The following GSTM1 variants were observed in gnomAD, a reference collection of about 807,000 sequenced individuals.
GSTM1 encodes glutathione S-transferase mu 1, also known as GST HB subunit 4.
Under a neutral mutation model 17.3 loss-of-function variants are expected in GSTM1, and 6 were observed. The ratio of observed to expected loss-of-function variants is 0.35; its 90% CI spans 0.19 to 0.68. The LOEUF is 0.68. Among genes scored for constraint, GSTM1 ranks in the 30% least tolerant of loss-of-function variants. The probability of loss-of-function intolerance (pLI) is 0.65; values close to 1 mark genes in which losing one functional copy is unlikely to be tolerated. For synonymous variants in GSTM1, 20 were observed against 53.6 expected (o/e 0.37, Z 2.74); for missense variants, 62 against 155.9 (o/e 0.40, Z 3.21).
Position 109,691,199 on chromosome 1 carries a change from G to A in GSTM1, c.567+635G>A, listed in dbSNP as rs2101284105. Among the ~76,000 whole-genome samples the A allele has an allele frequency of 2.7e-5, 2 of 73,572 alleles. 1 individual carries two copies. Among genetic ancestry groups the A allele is most frequent in the South Asian group, 8.6e-4 (2 of 2,336 alleles). 48.3% of individuals were successfully genotyped at this position (73,572 alleles called of 152,430 possible). On this transcript the variant is annotated intron_variant, in intron 7 of 7. Coordinates refer to ENST00000309851, the MANE Select transcript of GSTM1 (RefSeq NM_000561.4). Reference sequence around the variant, plus strand: ...GTATATGTTGAAATGCCCGGTGCTGGGGCACTTCCTTACTCCACCTCTATT... The same window carrying A: ...GTATATGTTGAAATGCCCGGTGCTGAGGCACTTCCTTACTCCACCTCTATT...
In GSTM1 at chr1:109,688,427, TG is replaced by T. The variant is rs1202864278; in HGVS notation, c.112+185del. The T allele has an allele frequency of 7.4e-6, 3 of 403,310 alleles. 1 individual carries two copies. Among genetic ancestry groups the T allele is most frequent in the African/African-American group, 7.1e-5 (3 of 42,222 alleles). The allele number at this position is 403,310 out of a possible 1,614,324, so 25.0% of individuals were successfully genotyped here. A position where few individuals can be genotyped will look rare whatever the true frequency, so the allele number is the denominator to read the frequency against. On this transcript the variant is annotated intron_variant, in intron 2 of 7. Coordinates refer to ENST00000309851, the MANE Select transcript of GSTM1 (RefSeq NM_000561.4). ...AAGGCAGAATGCTGGGGTGGGATGC[TG>T]GGCCCCCTGTCTAATTGGGACGGGT...
In GSTM1 at chr1:109,689,125, C is replaced by G. The variant is rs146668816; in HGVS notation, c.255C>G (p.Asn85Lys). Reference sequence around the variant, plus strand: ...TGTGCTACATTGCCCGCAAGCACAACCTGTGTGAGTGTGGGTGGCTGCAAT... The same window carrying G: ...TGTGCTACATTGCCCGCAAGCACAAGCTGTGTGAGTGTGGGTGGCTGCAAT... ...AILCYIARKH[N>K]LCGETEEEKI... is the part of the protein sequence containing the mutation. The change falls in exon 4 of 8, where the codon AAC becomes AAG. Residue 85 changes from asparagine to lysine, a missense_variant. Coordinates refer to ENST00000309851, the MANE Select transcript of GSTM1 (RefSeq NM_000561.4). 102 of 796,518 alleles carry G rather than the reference C, an allele frequency of 1.3e-4. 37 individuals carry two copies. In the Middle Eastern group the frequency reaches 2.6e-3, roughly 20 times the overall value. 49.3% of individuals were successfully genotyped at this position (796,518 alleles called of 1,614,324 possible).
At position 109,691,995 on chromosome 1, in the gene GSTM1, A is replaced by AGCT. The variant is rs1450055355; in HGVS notation, c.568-1209_568-1207dup. ...TGGTGGGAAGGGAGGGGTGGAGGAG[A>AGCT]GCTGAGGTCTATGGCCTATGACATG... On this transcript the variant is annotated intron_variant, in intron 7 of 7. Transcript: ENST00000309851. 2.7e-5 allele frequency among the ~76,000 whole-genome samples: 2 copies of AGCT among 75,032 alleles called. 1 individual carries two copies. The highest frequency in any genetic ancestry group is 7.6e-5 in the African/African-American group (2 of 26,408). The allele number at this position is 75,032 out of a possible 152,430, so 49.2% of individuals were successfully genotyped here.
At chr1:109,688,779 G>A in intron 3 of GSTM1, 42 bp downstream of exon 3, 2 of 747,358 alleles carry the variant, frequency 2.7e-6, no homozygotes. Context: ...AAAGTGCAAC[G>A]TGTCTCTGAC....
chr1:109,687,924 G>A lies in GSTM1; in HGVS notation c.36+15G>A. ...ACATCCGCGGGGTGAGCGAGGGTCC[G>A]CTGGACGGTGGGACGAGGGCGCAGG... is the stretch of plus-strand genomic sequence containing the variant. On this transcript the variant is annotated intron_variant, in intron 1 of 7. Coordinates refer to ENST00000309851, the MANE Select transcript of GSTM1 (RefSeq NM_000561.4). 2.5e-6 allele frequency: 2 copies of A among 784,648 alleles called. 1 individual carries two copies. Among genetic ancestry groups the A allele is most frequent in the Non-Finnish European group, 3.7e-6 (2 of 540,342 alleles). 48.6% of individuals were successfully genotyped at this position (784,648 alleles called of 1,614,324 possible).
At position 109,693,045 on chromosome 1, in the gene GSTM1, C is replaced by T. The variant is rs1648137522; in HGVS notation, c.568-161C>T. The T allele has an allele frequency of 4.9e-5, 16 of 323,898 alleles. 5 individuals carry two copies. The highest frequency in any genetic ancestry group is 4.0e-4 in the South Asian group (12 of 30,146). 20.1% of individuals were successfully genotyped at this position (323,898 alleles called of 1,614,324 possible). Reference sequence around the variant, plus strand: ...TAAAGGAAGTTGGAAGAGTTAACTCCGCAAATCTGGGGACCCTAAGAAGCT... The same window carrying T: ...TAAAGGAAGTTGGAAGAGTTAACTCTGCAAATCTGGGGACCCTAAGAAGCT... On this transcript the variant is annotated intron_variant, in intron 7 of 7. Coordinates refer to ENST00000309851, the MANE Select transcript of GSTM1 (RefSeq NM_000561.4).
In GSTM1 at chr1:109,690,178, C is replaced by T. The variant is rs1648060717; in HGVS notation, c.361-93C>T. 7.3e-5 allele frequency: 32 copies of T among 440,846 alleles called. 13 individuals carry two copies. Among genetic ancestry groups the T allele is most frequent in the South Asian group, 6.5e-4 (28 of 43,406 alleles). 27.3% of individuals were successfully genotyped at this position (440,846 alleles called of 1,614,324 possible). The stretch of plus-strand genomic sequence containing the variant: ...AGCTTGGGGAAGATGGCTGCTTGCC[C>T]ATGGCCAGCCTGGGCCGTCCACAGC... On this transcript the variant is annotated intron_variant, in intron 5 of 7. Coordinates refer to ENST00000309851, the MANE Select transcript of GSTM1 (RefSeq NM_000561.4).
At position 109,690,034 on chromosome 1, in the gene GSTM1, T is replaced by A. The variant is rs1648057097; in HGVS notation, c.361-237T>A. ...TATTGGGAGGTCAGTGAGGACAGAT[T>A]CAGGGACAGCATCTCATTCCTCTCT... On this transcript the variant is annotated intron_variant, in intron 5 of 7. Coordinates refer to ENST00000309851, the MANE Select transcript of GSTM1 (RefSeq NM_000561.4). 2.5e-5 allele frequency among the ~76,000 whole-genome samples: 2 copies of A among 81,280 alleles called. 1 individual carries two copies. Among genetic ancestry groups the A allele is most frequent in the African/African-American group, 7.0e-5 (2 of 28,528 alleles). The allele number at this position is 81,280 out of a possible 152,430, so 53.3% of individuals were successfully genotyped here.
chr1:109,690,590 T>G (rs1648076316), intron 7 of GSTM1, 26 bp downstream of exon 7: 4 of 833,032 alleles, frequency 4.8e-6, no homozygotes, highest in Non-Finnish European at 6.9e-6. Flanking sequence ...TCCTTTCTCT[T>G]TGATGCCCCT....
chr1:109,687,965 G>A lies in GSTM1; in HGVS notation c.36+56G>A. The A allele has an allele frequency of 1.5e-5, 11 of 729,276 alleles. 4 individuals are homozygous for A. The highest frequency in any genetic ancestry group is 2.2e-5 in the Non-Finnish European group (11 of 490,366). 45.2% of individuals were successfully genotyped at this position (729,276 alleles called of 1,614,324 possible). ...AGGGCGCAGGGGAGGGAAGTGCGAA[G>A]CAGCTGCGGGACGGACTCTAGGGAC... On this transcript the variant is annotated intron_variant, in intron 1 of 7. Transcript: ENST00000309851.
rs377433197 is a variant in GSTM1 at position 109,687,891 on chromosome 1, G to A, written c.18G>A (p.Gly6=). The A allele has an allele frequency of 4.7e-5, 37 of 794,652 alleles. 13 individuals are homozygous for A. The Middle Eastern group carries it at 1.1e-3, about 24-fold the overall frequency. The allele number at this position is 794,652 out of a possible 1,614,324, so 49.2% of individuals were successfully genotyped here. Residue 6 remains glycine, a synonymous_variant, in exon 1 of 8, where the codon GGG becomes GGA. Transcript: ENST00000309851. ...CCAGCACCATGCCCATGATACTGGGGTACTGGGACATCCGCGGGGTGAGCG... is the reference window on the plus strand; with the variant it reads ...CCAGCACCATGCCCATGATACTGGGATACTGGGACATCCGCGGGGTGAGCG... The part of the protein sequence containing the change: MPMIL[G]YWDIRGLAHA...
intron 1 of GSTM1, 68 bp downstream of exon 1, chr1:109,687,977 C>A: frequency 1.4e-6 from 1 of 710,776 alleles, no homozygotes; most frequent in Non-Finnish European, 2.1e-6. Flanking sequence ...AGCTGCGGGA[C>A]GGACTCTAGG....
In GSTM1 at chr1:109,690,437, T is replaced by G. The variant is rs762274388; in HGVS notation, c.457-17T>G. Reference sequence around the variant, plus strand: ...TGTTATGGAGGTTCCAGCCCACATATTCTTGGCCTTCTGCAGATCACTTTT... The same window carrying G: ...TGTTATGGAGGTTCCAGCCCACATAGTCTTGGCCTTCTGCAGATCACTTTT... On this transcript the variant is annotated splice_polypyrimidine_tract_variant and intron_variant, in intron 6 of 7. Transcript: ENST00000309851. The G allele has an allele frequency of 1.3e-6, 1 of 783,232 alleles. No individual in the cohort carries two copies. Among genetic ancestry groups the G allele is most frequent in the South Asian group, 1.8e-5 (1 of 54,262 alleles). 48.5% of individuals were successfully genotyped at this position (783,232 alleles called of 1,614,324 possible). A position where few individuals can be genotyped will look rare whatever the true frequency, so the allele number is the denominator to read the frequency against.
chr1:109,690,265 C>A lies in GSTM1; in HGVS notation c.361-6C>A. ...CGAGGGTGGTGACAGCTGTTTTCTGCCTCAGGAGAAACTGAAGCCAAAGTA... is the reference window on the plus strand; with the variant it reads ...CGAGGGTGGTGACAGCTGTTTTCTGACTCAGGAGAAACTGAAGCCAAAGTA... On this transcript the variant is annotated splice_region_variant and splice_polypyrimidine_tract_variant and intron_variant, in intron 5 of 7. Transcript: ENST00000309851. 1 of 789,578 alleles carries A rather than the reference C, an allele frequency of 1.3e-6. No homozygotes were observed. Among genetic ancestry groups the A allele is most frequent in the South Asian group, 1.8e-5 (1 of 54,490 alleles). The allele number at this position is 789,578 out of a possible 1,614,324, so 48.9% of individuals were successfully genotyped here.
At position 109,690,070 on chromosome 1, in the gene GSTM1, C is replaced by G. The variant is rs1343327466; in HGVS notation, c.361-201C>G. On this transcript the variant is annotated intron_variant, in intron 5 of 7. Coordinates refer to ENST00000309851, the MANE Select transcript of GSTM1 (RefSeq NM_000561.4). ...ATCTCATTCCTCTCTGCCTTCTGAT[C>G]AGTTTAGATAGGGTCTGGCACTCAG... 2.5e-5 allele frequency among the ~76,000 whole-genome samples: 2 copies of G among 81,388 alleles called. 1 individual carries two copies. The allele number at this position is 81,388 out of a possible 152,430, so 53.4% of individuals were successfully genotyped here.
intron 7 of GSTM1, among the ~76,000 whole-genome samples, chr1:109,690,986 T>C (rs1306588585): frequency 1.2e-5 from 1 of 80,388 alleles, no homozygotes; most frequent in Non-Finnish European, 3.2e-5. Context: ...TTCATGACCA[T>C]AGATGGAGCT....
rs1648044077 is a variant in GSTM1 at position 109,689,317 on chromosome 1, C to A, written c.352C>A (p.Pro118Thr). 6.5e-6 allele frequency: 5 copies of A among 774,326 alleles called. 2 individuals are homozygous for A. Among genetic ancestry groups the A allele is most frequent in the Non-Finnish European group, 9.3e-6 (5 of 535,422 alleles). The allele number at this position is 774,326 out of a possible 1,614,324, so 48.0% of individuals were successfully genotyped here. A position where few individuals can be genotyped will look rare whatever the true frequency, so the allele number is the denominator to read the frequency against. ...HMQLGMICYNPEFEKLKPKYL... is the reference protein window; with the variant it reads ...HMQLGMICYNTEFEKLKPKYL... ...GCAGCTGGGCATGATCTGCTACAAT[C>A]CAGAATTTGTGAGTGTCCCCAGTGA... The change falls in exon 5 of 8, where the codon CCA becomes ACA. Residue 118 changes from proline (P) to threonine (T), a missense_variant. Transcript: ENST00000309851.
At position 109,691,916 on chromosome 1, in the gene GSTM1, C is replaced by T. The variant is rs1362076245; in HGVS notation, c.568-1290C>T. On this transcript the variant is annotated intron_variant, in intron 7 of 7. Coordinates refer to ENST00000309851, the MANE Select transcript of GSTM1 (RefSeq NM_000561.4). ...AAGAAATCTGCTTGCTCAGCTAGTT[C>T]CCATCAGCTCTGGTTCTGGTCCAGG... is the stretch of plus-strand genomic sequence containing the variant. Among the ~76,000 whole-genome samples, 2 of 81,120 alleles carry T rather than the reference C, an allele frequency of 2.5e-5. 1 individual carries two copies. The highest frequency in any genetic ancestry group is 6.4e-5 in the Non-Finnish European group (2 of 31,482). The allele number at this position is 81,120 out of a possible 152,430, so 53.2% of individuals were successfully genotyped here.
rs749633892 is a variant in GSTM1, at chr1:109,688,667, C to T, written c.113-6C>T. 16 of 794,116 alleles carry T rather than the reference C, an allele frequency of 2.0e-5. 6 individuals are homozygous for T. The South Asian group carries it at 2.6e-4, about 13-fold the overall frequency. 49.2% of individuals were successfully genotyped at this position (794,116 alleles called of 1,614,324 possible). On this transcript the variant is annotated splice_region_variant and splice_polypyrimidine_tract_variant and intron_variant, in intron 2 of 7. Coordinates refer to ENST00000309851, the MANE Select transcript of GSTM1 (RefSeq NM_000561.4). ...GTTTGTTTTCACTTCTTCTTCCCCA[C>T]CACAGCTCCTGATTATGACAGAAGC... is the stretch of plus-strand genomic sequence containing the variant.
Sources: allele counts gnomAD v4.1 joint callset (sites outside exome capture counted in the v4.1 genomes callset), GRCh38; gene constraint gnomAD v4.1.1; transcripts MANE v1.5; gene names NCBI Gene and HGNC (gene_info 2026-07-23, HGNC 2026-07-21).